SMAP1: variants seen among roughly 807,000 people sequenced by gnomAD.
SMAP1 encodes small ArfGAP 1, also known as stromal membrane-associated protein 1.
Under a neutral mutation model 58.5 loss-of-function variants are expected in SMAP1, and 24 were observed. That is an observed-to-expected ratio of 0.41 (90% CI 0.30 to 0.58). SMAP1 has a LOEUF of 0.58. Ranked by LOEUF, SMAP1 falls within the 20% of genes least tolerant of loss-of-function variation. SMAP1 has a pLI of 0.29. For missense variants in SMAP1, 563 were observed against 566.3 expected, an observed-to-expected ratio of 0.99 and a Z score of 0.06; for synonymous variants, 216 against 196.6, an observed-to-expected ratio of 1.10 and a Z score of -0.82.
intron 1 of SMAP1, among the ~76,000 whole-genome samples, chr6:70,728,479 A>C (rs903871027): frequency 3.3e-5 from 5 of 152,236 alleles, no homozygotes; most frequent in African/African-American, 1.2e-4. Context: ...TCAGTTGTTC[A>C]GGAATCAAAA....
intron 6 of SMAP1, among the ~76,000 whole-genome samples, chr6:70,805,014 T>G (rs946329101): frequency 1.3e-5 from 2 of 152,110 alleles, no homozygotes; most frequent in African/African-American, 4.8e-5. Context: ...CTTTGTGGTG[T>G]TCTGTGTTTT....
Position 70,839,497 on chromosome 6 carries a change from C to T in SMAP1, c.664+2469C>T, listed in dbSNP as rs1335932260. Among the ~76,000 whole-genome samples the T allele has an allele frequency of 2.6e-5, 4 of 151,870 alleles. No individual in the cohort carries two copies. In the East Asian group the frequency reaches 7.7e-4, roughly 29 times the overall value. ...TGGGCCTGTAGGTCTGCTGGGATGTCACTCTTTTGGACAGTGGAACATTTT... is the reference window on the plus strand; with the variant it reads ...TGGGCCTGTAGGTCTGCTGGGATGTTACTCTTTTGGACAGTGGAACATTTT... On this transcript the variant is annotated intron_variant, in intron 7 of 10. Coordinates refer to ENST00000370455, the MANE Select transcript of SMAP1 (RefSeq NM_001044305.3).
At chr6:70,738,547 T>C (rs1765703217) in intron 2 of SMAP1, among the ~76,000 whole-genome samples, 1 of 152,202 alleles carries the variant, frequency 6.6e-6, no homozygotes, top group Non-Finnish European at 1.5e-5. Flanking sequence ...AGTCTTTAAC[T>C]TAACTTAGCA....
chr6:70,747,810 A>T (rs574355912), intron 2 of SMAP1, among the ~76,000 whole-genome samples: 1 of 152,364 alleles, frequency 6.6e-6, no homozygotes, highest in Admixed American at 6.5e-5. Flanking sequence ...ACAAAAAAGA[A>T]TACATTCTCT....
intron 8 of SMAP1, among the ~76,000 whole-genome samples, chr6:70,853,317 A>G (rs543447480): frequency 6.6e-6 from 1 of 152,160 alleles, no homozygotes; most frequent in East Asian, 1.9e-4. Context: ...ATTACATGGA[A>G]TTTTTGTAAT....
At chr6:70,792,673 A>G (rs1205551318) in intron 5 of SMAP1, among the ~76,000 whole-genome samples, 2 of 152,162 alleles carry the variant, frequency 1.3e-5, no homozygotes, top group Non-Finnish European at 2.9e-5. Context: ...GTGAAAAAAC[A>G]TATGGGCAAA....
chr6:70,705,893 T>C (rs1266469236), intron 1 of SMAP1, among the ~76,000 whole-genome samples: 3 of 152,180 alleles, frequency 2.0e-5, no homozygotes, highest in African/African-American at 7.2e-5. Flanking sequence ...AGCGTCTGAT[T>C]GATAAAGCAA....
chr6:70,804,405 C>G (rs954304412), intron 6 of SMAP1, among the ~76,000 whole-genome samples: 3 of 151,250 alleles, frequency 2.0e-5, no homozygotes, highest in African/African-American at 7.3e-5. Context: ...TGAGATGGGT[C>G]TCCTGAATAC....
At chr6:70,788,450 T>C (rs1582189770) in intron 4 of SMAP1, among the ~76,000 whole-genome samples, 1 of 151,734 alleles carries the variant, frequency 6.6e-6, no homozygotes, top group Admixed American at 6.6e-5. Context: ...TAAAGTGTAA[T>C]CATAATAATA....
At chr6:70,670,062 G>A (rs1357729193) in intron 1 of SMAP1, among the ~76,000 whole-genome samples, 1 of 151,828 alleles carries the variant, frequency 6.6e-6, no homozygotes, top group Non-Finnish European at 1.5e-5. Context: ...GGAAGTATTC[G>A]TTTTGCTCAG....
intron 6 of SMAP1, among the ~76,000 whole-genome samples, chr6:70,805,732 T>C (rs929429339): frequency 5.8e-4 from 89 of 152,220 alleles, no homozygotes; most frequent in African/African-American, 2.0e-3. Context: ...CCTTTCTGTT[T>C]GTTGGTTTTC....
At chr6:70,846,367 T>A (rs1770989698) in intron 7 of SMAP1, among the ~76,000 whole-genome samples, 1 of 152,164 alleles carries the variant, frequency 6.6e-6, no homozygotes, top group South Asian at 2.1e-4. Flanking sequence ...AGCTGCACTC[T>A]TCCTGGTGAC....
At chr6:70,823,184 T>C (rs1769967731) in intron 6 of SMAP1, among the ~76,000 whole-genome samples, 2 of 152,180 alleles carry the variant, frequency 1.3e-5, no homozygotes, top group Admixed American at 1.3e-4. Flanking sequence ...TTTAGTATGT[T>C]TGTAATGTTT....
chr6:70,800,872 A>G (rs1273227627), intron 6 of SMAP1, among the ~76,000 whole-genome samples: 1 of 152,192 alleles, frequency 6.6e-6, no homozygotes, highest in East Asian at 1.9e-4. Flanking sequence ...ACTGTGTAGT[A>G]TTCCATGGTG....
intron 6 of SMAP1, among the ~76,000 whole-genome samples, chr6:70,835,100 A>T (rs1050376263): frequency 2.6e-5 from 4 of 151,608 alleles, no homozygotes; most frequent in Non-Finnish European, 5.9e-5. Flanking sequence ...AAAAAAAAAA[A>T]AATTAGCCGG....
At chr6:70,701,440 G>A (rs1021743735) in intron 1 of SMAP1, among the ~76,000 whole-genome samples, 1 of 152,172 alleles carries the variant, frequency 6.6e-6, no homozygotes, top group Non-Finnish European at 1.5e-5. Context: ...CTTGCCTAGG[G>A]ATTGCAGTCC....
chr6:70,791,537 T>G (rs1454125491), intron 4 of SMAP1, 152 bp from the exon 5 acceptor site: 1 of 535,566 alleles, frequency 1.9e-6, no homozygotes, highest in Non-Finnish European at 3.3e-6. Flanking sequence ...AAGCAGTACT[T>G]ATTTCTTGAT....
At chr6:70,714,615 A>G (rs929733024) in intron 1 of SMAP1, among the ~76,000 whole-genome samples, 1 of 152,122 alleles carries the variant, frequency 6.6e-6, no homozygotes, top group African/African-American at 2.4e-5. Context: ...ATTATAATTA[A>G]CTTCACACCA....
intron 2 of SMAP1, among the ~76,000 whole-genome samples, chr6:70,741,353 G>T (rs1370142049): frequency 5.3e-5 from 8 of 152,152 alleles, no homozygotes; most frequent in Non-Finnish European, 8.8e-5. Flanking sequence ...TGGAGAAATT[G>T]GCCAAAATGA....
Sources: allele counts gnomAD v4.1 joint callset (sites outside exome capture counted in the v4.1 genomes callset), GRCh38; gene constraint gnomAD v4.1.1; transcripts MANE v1.5; gene names NCBI Gene and HGNC (gene_info 2026-07-23, HGNC 2026-07-21).